Variants in PRELID2 observed in about 807,000 individuals in gnomAD.
PRELID2 encodes the protein PRELI domain-containing protein 2.
In PRELID2, 25 loss-of-function variants were observed where a neutral mutation model predicts 28.4. That is an observed-to-expected ratio of 0.88 (90% CI 0.64 to 1.23). The LOEUF is 1.23. Ranked by LOEUF, PRELID2 falls within the 50% of genes most tolerant of loss-of-function variation. PRELID2 has a pLI of 0.00. For synonymous variants in PRELID2, 76 were observed against 71.6 expected, an observed-to-expected ratio of 1.06 and a Z score of -0.31; for missense variants, 201 against 214.4, an observed-to-expected ratio of 0.94 and a Z score of 0.39.
chr5:145,744,811 A>T (rs183360906), intron 1 of PRELID2, among the ~76,000 whole-genome samples: 79 of 152,210 alleles, frequency 5.2e-4, no homozygotes, highest in Admixed American at 1.0e-3. Flanking sequence ...TCTCCTCCAA[A>T]TGATTGCAAC....
At chr5:145,492,002 A>T (rs1409265173) in intron 1 of PRELID2, among the ~76,000 whole-genome samples, 3 of 152,176 alleles carry the variant, frequency 2.0e-5, no homozygotes, top group African/African-American at 7.2e-5. Context: ...TGTAATGAAC[A>T]TGGGAGTGCA....
the PRELID2 span, among the ~76,000 whole-genome samples, chr5:145,457,159 C>G: frequency 2.0e-5 from 3 of 152,188 alleles, no homozygotes; most frequent in Middle Eastern, 3.4e-3. Flanking sequence ...TTGAGTAACA[C>G]AGTGTAATAA....
chr5:145,297,702 T>C, the PRELID2 span, among the ~76,000 whole-genome samples: 39 of 152,118 alleles, frequency 2.6e-4, no homozygotes, highest in Non-Finnish European at 4.3e-4. Context: ...GATGACATGA[T>C]TGTATATCTA....
intron 6 of PRELID2, among the ~76,000 whole-genome samples, chr5:145,763,116 A>C (rs1757551281): frequency 6.6e-6 from 1 of 152,244 alleles, no homozygotes; most frequent in African/African-American, 2.4e-5. Context: ...TGAAGTTTGA[A>C]GACCAATAGG....
intron 1 of PRELID2, among the ~76,000 whole-genome samples, chr5:145,588,480 C>T (rs751049334): frequency 2.0e-5 from 3 of 152,108 alleles, no homozygotes; most frequent in Non-Finnish European, 4.4e-5. Flanking sequence ...AATGAATAGA[C>T]CTGTAATCCA....
At chr5:145,280,689 T>C in the PRELID2 span, among the ~76,000 whole-genome samples, 1 of 151,828 alleles carries the variant, frequency 6.6e-6, no homozygotes, top group Non-Finnish European at 1.5e-5. Context: ...AGAGAAATGT[T>C]TGTATTTTAA....
At chr5:145,422,951 C>A in the PRELID2 span, among the ~76,000 whole-genome samples, 1 of 151,020 alleles carries the variant, frequency 6.6e-6, no homozygotes, top group Non-Finnish European at 1.5e-5. Flanking sequence ...AATCTCTCAG[C>A]ATTTGCTTGT....
chr5:145,257,743 G>C, the PRELID2 span, among the ~76,000 whole-genome samples: 57 of 152,078 alleles, frequency 3.7e-4, no homozygotes, highest in Non-Finnish European at 6.6e-4. Context: ...ACAAAGAAAG[G>C]GCATTTCATA....
the PRELID2 span, among the ~76,000 whole-genome samples, chr5:145,425,367 G>T: frequency 6.6e-6 from 1 of 152,108 alleles, no homozygotes; most frequent in Non-Finnish European, 1.5e-5. Flanking sequence ...AAGAGCTAGA[G>T]ACAGGAATAC....
intron 1 of PRELID2, among the ~76,000 whole-genome samples, chr5:145,479,609 C>T (rs191812112): frequency 1.3e-5 from 2 of 152,308 alleles, no homozygotes; most frequent in East Asian, 3.9e-4. Flanking sequence ...GCATCCTGAG[C>T]ACTGCGCCTG....
At chr5:145,730,649 C>T (rs755562284) in intron 1 of PRELID2, among the ~76,000 whole-genome samples, 2 of 152,104 alleles carry the variant, frequency 1.3e-5, no homozygotes, top group Non-Finnish European at 2.9e-5. Context: ...GCAGGAGCAT[C>T]GCCATCTTGG....
chr5:145,255,966 A>G, the PRELID2 span, among the ~76,000 whole-genome samples: 3 of 151,918 alleles, frequency 2.0e-5, no homozygotes, highest in African/African-American at 7.3e-5. Flanking sequence ...CAATTTTCCA[A>G]ACTTGGTAAG....
chr5:145,251,513 G>A, the PRELID2 span, among the ~76,000 whole-genome samples: 1 of 152,076 alleles, frequency 6.6e-6, no homozygotes, highest in African/African-American at 2.4e-5. Flanking sequence ...TACAAATATT[G>A]TAGAAGAGGA....
At chr5:145,390,914 G>A in the PRELID2 span, among the ~76,000 whole-genome samples, 1 of 152,192 alleles carries the variant, frequency 6.6e-6, no homozygotes, top group African/African-American at 2.4e-5. Flanking sequence ...CCCCATGCAA[G>A]TCCAAAATCC....
chr5:145,572,372 C>T (rs1452690135), intron 1 of PRELID2, among the ~76,000 whole-genome samples: 2 of 152,196 alleles, frequency 1.3e-5, no homozygotes, highest in African/African-American at 4.8e-5. Context: ...TTCATAACTT[C>T]CTCAGAATAA....
intron 1 of PRELID2, among the ~76,000 whole-genome samples, chr5:145,679,025 A>G (rs1295258168): frequency 6.6e-6 from 1 of 152,134 alleles, no homozygotes; most frequent in African/African-American, 2.4e-5. Context: ...TATTCTAGAG[A>G]TCTCTAAACA....
intron 1 of PRELID2, among the ~76,000 whole-genome samples, chr5:145,552,463 C>T (rs1752843893): frequency 1.3e-5 from 2 of 152,038 alleles, no homozygotes; most frequent in Non-Finnish European, 2.9e-5. Context: ...TCCAAACAGA[C>T]TGAATCCTAT....
intron 5 of PRELID2, among the ~76,000 whole-genome samples, chr5:145,789,839 C>T (rs1399765614): frequency 1.3e-5 from 2 of 152,058 alleles, no homozygotes; most frequent in Non-Finnish European, 2.9e-5. Flanking sequence ...AAGAACCAGA[C>T]AGCTATTTCC....
intron 1 of PRELID2, among the ~76,000 whole-genome samples, chr5:145,671,068 C>T (rs527386820): frequency 1.3e-5 from 2 of 152,244 alleles, no homozygotes; most frequent in South Asian, 4.1e-4. Context: ...TGTATGCAAA[C>T]ATTTAGCCCA....
Sources: gnomAD v4.1 joint callset for allele counts (sites outside exome capture counted in the v4.1 genomes callset) on GRCh38, gnomAD v4.1.1 for gene constraint, MANE v1.5 for transcripts, NCBI Gene and HGNC (gene_info 2026-07-23, HGNC 2026-07-21) for gene names.